The following ZNF638 variants were observed in gnomAD, a reference collection of about 807,000 sequenced individuals.
The protein encoded by ZNF638 is zinc finger protein 638, also known as CTCL tumor antigen se33-1.
In ZNF638, 46 loss-of-function variants were observed where a neutral mutation model predicts 195.6. The ratio of observed to expected loss-of-function variants is 0.24; its 90% CI spans 0.19 to 0.30. ZNF638 has a LOEUF of 0.30. ZNF638 is among the 10% of genes least tolerant of loss of function. The probability of loss-of-function intolerance (pLI) is 1.00; values close to 1 mark genes in which losing one functional copy is unlikely to be tolerated. For missense variants in ZNF638, 2,440 were observed against 2,325.3 expected, an observed-to-expected ratio of 1.05 and a Z score of -1.01; for synonymous variants, 845 against 772.0, an observed-to-expected ratio of 1.09 and a Z score of -1.57.
rs139617426 is a variant in ZNF638 at position 71,385,352 on chromosome 2, T to G, written c.2377+4787T>G. 1.8e-4 allele frequency among the ~76,000 whole-genome samples: 28 copies of G among 152,344 alleles called. No individual in the cohort carries two copies. The East Asian group carries it at 5.4e-3, about 29-fold the overall frequency. The stretch of plus-strand genomic sequence containing the variant: ...TATACACGAGTATTTATGGGTACTT[T>G]GTTTATAATTGCCCCAAACTGGAAA... On this transcript the variant is annotated intron_variant, in intron 10 of 27. Transcript: ENST00000264447.
chr2:71,368,627 T>C (rs1175980395), intron 7 of ZNF638, 99 bp downstream of exon 7: 1 of 1,257,754 alleles, frequency 8.0e-7, no homozygotes, highest in African/African-American at 1.5e-5. Context: ...ACTGCATATA[T>C]AATTGTTCTT....
intron 26 of ZNF638, among the ~76,000 whole-genome samples, chr2:71,431,950 T>A (rs2152609969): frequency 6.6e-6 from 1 of 152,344 alleles, no homozygotes; most frequent in East Asian, 1.9e-4. Context: ...AAATCTGGGA[T>A]GTATCTCCTC....
chr2:71,331,974 A>G, intron 1 of ZNF638, 99 bp downstream of exon 1: 1 of 972,226 alleles, frequency 1.0e-6, no homozygotes, highest in Non-Finnish European at 1.2e-6. Flanking sequence ...CGACTATTGT[A>G]TCTGTGTCGC....
intron 20 of ZNF638, among the ~76,000 whole-genome samples, chr2:71,417,525 G>C (rs189332052): frequency 9.8e-5 from 13 of 132,210 alleles, no homozygotes; most frequent in African/African-American, 3.5e-4. Context: ...AGGCACTTCA[G>C]TTGTCTGAAA....
chr2:71,356,219 G>T (rs1032381495), intron 3 of ZNF638, among the ~76,000 whole-genome samples: 10 of 152,170 alleles, frequency 6.6e-5, no homozygotes, highest in Non-Finnish European at 1.2e-4. Context: ...TTAAGTAAGG[G>T]ATGGACAAGC....
At chr2:71,365,729 T>C (rs748831230) in intron 6 of ZNF638, 23 bp downstream of exon 6, 3 of 1,563,210 alleles carry the variant, frequency 1.9e-6, no homozygotes, top group Middle Eastern at 2.1e-4. Flanking sequence ...TTAATAATTA[T>C]TTTTAGAGAT....
At position 71,408,147 on chromosome 2, in the gene ZNF638, A is replaced by C. The variant is rs1322875297; in HGVS notation, c.3161A>C (p.Glu1054Ala). 2 of 1,612,726 alleles carry C rather than the reference A, an allele frequency of 1.2e-6. No homozygotes were observed. Among genetic ancestry groups the C allele is most frequent in the Non-Finnish European group, 1.7e-6 (2 of 1,179,418 alleles). ...GCAATTCTTCAGTTAGATAGTCCTGAATCTGCTCAGTCAATGTATAGCTTT... is the reference window on the plus strand; with the variant it reads ...GCAATTCTTCAGTTAGATAGTCCTGCATCTGCTCAGTCAATGTATAGCTTT... ...NKAILQLDSP[E>A]SAQSMYSFLK... The change falls in exon 20 of 28, where the codon GAA (glutamate) becomes GCA (alanine). Residue 1054 changes from glutamate (E) to alanine (A), a missense_variant. By Grantham distance (107) the Glu-to-Ala change is moderately radical. This residue lies in a region of ZNF638 where 1,883 missense variants were observed against 1,739.1 expected (regional missense o/e 1.08). Coordinates refer to ENST00000264447, the MANE Select transcript of ZNF638 (RefSeq NM_014497.5).
chr2:71,386,771 A>C (rs1228562268), intron 10 of ZNF638, among the ~76,000 whole-genome samples: 2 of 152,180 alleles, frequency 1.3e-5, no homozygotes, highest in Non-Finnish European at 2.9e-5. Context: ...AGAAAACTAA[A>C]ATATTAAAAG....
chr2:71,369,418 C>T (rs1039967523), intron 7 of ZNF638, among the ~76,000 whole-genome samples: 3 of 151,728 alleles, frequency 2.0e-5, no homozygotes, highest in East Asian at 1.9e-4. Context: ...GCTGGAGGAT[C>T]GCTTGAGGCC....
chr2:71,352,486 TAAAA>T (rs1197623098), intron 2 of ZNF638, among the ~76,000 whole-genome samples: 1 of 19,812 alleles, frequency 5.0e-5, no homozygotes, highest in Admixed American at 6.6e-4. Flanking sequence ...TCAAAAAAAA[TAAAA>T]AAAATAAAAA....
intron 1 of ZNF638, among the ~76,000 whole-genome samples, chr2:71,344,532 G>A (rs913149397): frequency 1.3e-5 from 2 of 152,064 alleles, no homozygotes; most frequent in Non-Finnish European, 2.9e-5. Context: ...TAATATCTTT[G>A]GTCAGTAATT....
At chr2:71,395,137 T>C (rs886498294) in intron 10 of ZNF638, 10 of 675,018 alleles carry the variant, frequency 1.5e-5, no homozygotes, top group African/African-American at 7.1e-5. Flanking sequence ...CAAACAGTTA[T>C]ATGGAAGGAT....
At chr2:71,398,264 G>A (rs1407486327) in intron 11 of ZNF638, among the ~76,000 whole-genome samples, 2 of 152,052 alleles carry the variant, frequency 1.3e-5, no homozygotes, top group African/African-American at 4.8e-5. Flanking sequence ...AAGTCTAAAC[G>A]TGAAATTCAT....
At chr2:71,429,617 T>G (rs183856262) in intron 25 of ZNF638, among the ~76,000 whole-genome samples, 1 of 152,290 alleles carries the variant, frequency 6.6e-6, no homozygotes, top group East Asian at 1.9e-4. Flanking sequence ...TCTTTTCTAC[T>G]TGCTTTTAGA....
chr2:71,398,058 T>G (rs1304043693), intron 11 of ZNF638, among the ~76,000 whole-genome samples: 1 of 152,202 alleles, frequency 6.6e-6, no homozygotes, highest in Non-Finnish European at 1.5e-5. Context: ...TTTTGTGTCC[T>G]TGGAATTAGT....
intron 10 of ZNF638, chr2:71,395,540 G>C (rs781518228): frequency 3.4e-5 from 21 of 608,876 alleles, no homozygotes; most frequent in Non-Finnish European, 6.2e-5. Flanking sequence ...ATCTAGACGA[G>C]TTTTATTTAC....
intron 10 of ZNF638, among the ~76,000 whole-genome samples, chr2:71,392,027 A>G (rs1200010761): frequency 6.6e-6 from 1 of 152,212 alleles, no homozygotes; most frequent in South Asian, 2.1e-4. Context: ...CTATTTGGCT[A>G]TATCCAGCTA....
intron 1 of ZNF638, chr2:71,333,092 G>T (rs2078602260): frequency 6.6e-6 from 1 of 152,186 alleles, no homozygotes; most frequent in Admixed American, 6.5e-5. Context: ...ATTTAAGGAA[G>T]TTTTCGGAGA....
chr2:71,433,694 A>G (rs2080711894), intron 27 of ZNF638: 1 of 156,322 alleles, frequency 6.4e-6, no homozygotes, highest in African/African-American at 2.4e-5. Context: ...CACATCTTTA[A>G]GAAGTGTTAC....
Sources: allele counts gnomAD v4.1 joint callset (sites outside exome capture counted in the v4.1 genomes callset), GRCh38; gene constraint gnomAD v4.1.1; regional missense constraint gnomAD v4.1.1; transcripts MANE v1.5; gene names NCBI Gene and HGNC (gene_info 2026-07-23, HGNC 2026-07-21).